Variants in SEC14L5 observed in about 807,000 individuals in gnomAD.
SEC14L5 encodes SEC14 like lipid binding 5, also known as SEC14-like protein 5.
In SEC14L5, 96 loss-of-function variants were observed where a neutral mutation model predicts 84.6. The ratio of observed to expected loss-of-function variants is 1.13; its 90% CI spans 0.96 to 1.34. The LOEUF (loss-of-function observed/expected upper bound fraction) is 1.34. Ranked by LOEUF, SEC14L5 falls within the 40% of genes most tolerant of loss-of-function variation. SEC14L5 has a pLI of 0.00. For missense variants in SEC14L5, 1,224 were observed against 942.5 expected (o/e 1.30, Z -3.91); for synonymous variants, 546 against 383.4 (o/e 1.42, Z -4.95).
In SEC14L5 at chr16:5,011,310, G is replaced by T. The variant is rs541834255; in HGVS notation, c.1979+37G>T. 5 of 1,597,482 alleles carry T rather than the reference G, an allele frequency of 3.1e-6. No homozygotes were observed. In the Admixed American group the frequency reaches 5.1e-5, roughly 16 times the overall value. On this transcript the variant is annotated intron_variant, in intron 15 of 15. Transcript: ENST00000251170. ...CCGGAGCGGGGTCCTGGGCAGGAAG[G>T]ACCCTGGGGCTGATTGACAATGCAG...
chr16:4,982,747 G>C (rs1296706448), intron 2 of SEC14L5, among the ~76,000 whole-genome samples: 1 of 152,188 alleles, frequency 6.6e-6, no homozygotes, highest in Non-Finnish European at 1.5e-5. Context: ...AGTTTGCTCA[G>C]TTCTCAGGAC....
At position 5,007,531 on chromosome 16, in the gene SEC14L5, G is replaced by A. The variant is rs766865391; in HGVS notation, c.1572+45G>A. 8.2e-6 allele frequency: 13 copies of A among 1,582,472 alleles called. No homozygotes were observed. The South Asian group carries it at 1.3e-4, about 16-fold the overall frequency. The stretch of plus-strand genomic sequence containing the variant: ...GAGGGCCCGCTGAGCTGGAGTGTCT[G>A]TCGTCTTAGGTCAGGTGACCCCAAA... On this transcript the variant is annotated intron_variant, in intron 13 of 15. Coordinates refer to ENST00000251170, the MANE Select transcript of SEC14L5 (RefSeq NM_014692.2).
At chr16:4,981,510 G>GA (rs1568119188) in intron 2 of SEC14L5, among the ~76,000 whole-genome samples, 2 of 152,126 alleles carry the variant, frequency 1.3e-5, no homozygotes, top group African/African-American at 4.8e-5. Flanking sequence ...AAGGTCAGGG[G>GA]TGGTGTGGCC....
chr16:5,015,019 T>C lies in SEC14L5; in HGVS notation c.*49T>C. The C allele has an allele frequency of 7.0e-7, 1 of 1,433,686 alleles. No individual in the cohort carries two copies. 88.8% of individuals were successfully genotyped at this position (1,433,686 alleles called of 1,614,324 possible). On this transcript the variant is annotated 3_prime_UTR_variant, in exon 16 of 16. Coordinates refer to ENST00000251170, the MANE Select transcript of SEC14L5 (RefSeq NM_014692.2). Reference sequence around the variant, plus strand: ...CCCGCTCGCCTCCAGTGTCCAGAAATGTCCAGAATGAGAAGCCAGCTAACT... The same window carrying C: ...CCCGCTCGCCTCCAGTGTCCAGAAACGTCCAGAATGAGAAGCCAGCTAACT...
intron 2 of SEC14L5, among the ~76,000 whole-genome samples, chr16:4,967,717 T>C (rs1482467770): frequency 6.7e-6 from 1 of 149,842 alleles, no homozygotes; most frequent in Admixed American, 6.7e-5. Context: ...GGATTACAGG[T>C]GCCCGCCACC....
chr16:5,015,078 G>T lies in SEC14L5; in HGVS notation c.*108G>T. ...TGGGACCATGTGGGCTGGAGCCCCAGGCCTAGATGCTGCCCAAGTTGGGGT... is the reference window on the plus strand; with the variant it reads ...TGGGACCATGTGGGCTGGAGCCCCATGCCTAGATGCTGCCCAAGTTGGGGT... On this transcript the variant is annotated 3_prime_UTR_variant, in exon 16 of 16. Transcript: ENST00000251170. 1 of 844,978 alleles carries T rather than the reference G, an allele frequency of 1.2e-6. No homozygotes were observed. 52.3% of individuals were successfully genotyped at this position (844,978 alleles called of 1,614,324 possible). A position where few individuals can be genotyped will look rare whatever the true frequency, so the allele number is the denominator to read the frequency against.
chr16:5,018,999 C>T lies in SEC14L5; in HGVS notation c.*4029C>T, dbSNP rs958587704. The T allele has an allele frequency of 6.6e-6, 1 of 152,162 alleles. No homozygotes were observed. The highest frequency in any genetic ancestry group is 1.5e-5 in the Non-Finnish European group (1 of 68,034). 9.4% of individuals were successfully genotyped at this position (152,162 alleles called of 1,614,324 possible). A position where few individuals can be genotyped will look rare whatever the true frequency, so the allele number is the denominator to read the frequency against. On this transcript the variant is annotated 3_prime_UTR_variant, in exon 16 of 16. Coordinates refer to ENST00000251170, the MANE Select transcript of SEC14L5 (RefSeq NM_014692.2). ...AACTTGCATCGTCAGCTTCCTAAAACCCTGGAGGTTTCCCGTGGGCTCGTT... is the reference window on the plus strand; with the variant it reads ...AACTTGCATCGTCAGCTTCCTAAAATCCTGGAGGTTTCCCGTGGGCTCGTT...
In SEC14L5 at chr16:4,973,680, C is replaced by CTTT. The variant is rs34324146; in HGVS notation, c.64-13859_64-13857dup. Among the ~76,000 whole-genome samples, 12 of 127,088 alleles carry CTTT rather than the reference C, an allele frequency of 9.4e-5. 2 individuals are homozygous for CTTT. Among genetic ancestry groups the CTTT allele is most frequent in the African/African-American group, 9.0e-5 (3 of 33,418 alleles). 83.4% of individuals were successfully genotyped at this position (127,088 alleles called of 152,430 possible). ...TATGTGATTTCTTTTTTCTCTGTCT[C>CTTT]TTTTTTTTTTTTTTTTTTTTGAGAC... is the stretch of plus-strand genomic sequence containing the variant. On this transcript the variant is annotated intron_variant, in intron 2 of 15. Coordinates refer to ENST00000251170, the MANE Select transcript of SEC14L5 (RefSeq NM_014692.2).
intron 2 of SEC14L5, among the ~76,000 whole-genome samples, chr16:4,972,573 G>A (rs1955293148): frequency 1.3e-5 from 2 of 152,164 alleles, no homozygotes; most frequent in South Asian, 4.1e-4. Context: ...TCATAGAAAA[G>A]GAATCATACA....
intron 12 of SEC14L5, 38 bp downstream of exon 12, chr16:5,006,086 G>A: frequency 6.2e-7 from 1 of 1,608,094 alleles, no homozygotes; most frequent in Non-Finnish European, 8.5e-7. Flanking sequence ...CTGGGCTTGA[G>A]GAGGGGGCAT....
intron 12 of SEC14L5, among the ~76,000 whole-genome samples, chr16:5,006,742 C>T (rs561760282): frequency 2.0e-5 from 3 of 152,346 alleles, no homozygotes; most frequent in South Asian, 4.1e-4. Context: ...GCACACACGA[C>T]TTATTTTTAG....
chr16:4,962,478 A>G (rs1033698726), intron 2 of SEC14L5, among the ~76,000 whole-genome samples: 2 of 152,156 alleles, frequency 1.3e-5, no homozygotes, highest in African/African-American at 4.8e-5. Flanking sequence ...ACCTCAGGTC[A>G]GGAGTTCGAG....
At chr16:5,002,126 C>G (rs996105867) in intron 10 of SEC14L5, among the ~76,000 whole-genome samples, 2 of 152,148 alleles carry the variant, frequency 1.3e-5, no homozygotes, top group Non-Finnish European at 2.9e-5. Context: ...AAAAATAATG[C>G]AAACACGGAT....
intron 6 of SEC14L5, among the ~76,000 whole-genome samples, chr16:4,994,777 C>T (rs528351032): frequency 1.3e-5 from 2 of 152,026 alleles, no homozygotes; most frequent in African/African-American, 2.4e-5. Context: ...TTGCACAGGT[C>T]GCTCCTTCCT....
At chr16:5,002,404 C>G (rs556765999) in intron 10 of SEC14L5, among the ~76,000 whole-genome samples, 1 of 149,404 alleles carries the variant, frequency 6.7e-6, no homozygotes, top group African/African-American at 2.5e-5. Context: ...TCAAGTGATT[C>G]TCGTGCCTCA....
In SEC14L5 at chr16:5,011,286, C is replaced by T. The variant is rs7197329; in HGVS notation, c.1979+13C>T. 2.3e-4 allele frequency: 365 copies of T among 1,608,092 alleles called. No individual in the cohort carries two copies. In the Middle Eastern group the frequency reaches 2.6e-3, roughly 12 times the overall value. ...CTGAGGACTTCAGGTAGGAGGGCTC[C>T]GGAGCGGGGTCCTGGGCAGGAAGGA... is the stretch of plus-strand genomic sequence containing the variant. On this transcript the variant is annotated intron_variant, in intron 15 of 15. Coordinates refer to ENST00000251170, the MANE Select transcript of SEC14L5 (RefSeq NM_014692.2).
chr16:5,003,612 T>TGGGGGGGGGGG, intron 11 of SEC14L5, 39 bp downstream of exon 11: 1 of 130,378 alleles, frequency 7.7e-6, no homozygotes, highest in East Asian at 1.9e-4. Context: ...TCCCTGGGGG[T>TGGGGGGGGGGG]GGGTGGGATG....
chr16:5,011,405 G>A, intron 15 of SEC14L5, 132 bp downstream of exon 15: 1 of 854,320 alleles, frequency 1.2e-6, no homozygotes, highest in Non-Finnish European at 1.8e-6. Flanking sequence ...GGTATGGTTG[G>A]AGTTCTCAGG....
In SEC14L5 at chr16:4,980,300, C is replaced by T. The variant is rs146632847; in HGVS notation, c.64-7257C>T. Reference sequence around the variant, plus strand: ...CGGAGCCTCAGCTCGAATGTCCCCCCGAAACATGTGGCTCTGTCACTGGAT... The same window carrying T: ...CGGAGCCTCAGCTCGAATGTCCCCCTGAAACATGTGGCTCTGTCACTGGAT... On this transcript the variant is annotated intron_variant, in intron 2 of 15. Coordinates refer to ENST00000251170, the MANE Select transcript of SEC14L5 (RefSeq NM_014692.2). 1.4e-4 allele frequency among the ~76,000 whole-genome samples: 21 copies of T among 152,338 alleles called. No individual in the cohort carries two copies. In the East Asian group the frequency reaches 3.5e-3, roughly 25 times the overall value.
Sources: allele counts gnomAD v4.1 joint callset (sites outside exome capture counted in the v4.1 genomes callset), GRCh38; gene constraint gnomAD v4.1.1; transcripts MANE v1.5; gene names NCBI Gene and HGNC (gene_info 2026-07-23, HGNC 2026-07-21).